RNF112: variants seen among roughly 807,000 people sequenced by gnomAD.
RNF112 encodes brain finger protein.
Under a neutral mutation model 64.7 loss-of-function variants are expected in RNF112, and 34 were observed. The observed-to-expected ratio is 0.53, with a 90% confidence interval of 0.40 to 0.70. The LOEUF (loss-of-function observed/expected upper bound fraction) is 0.70, where lower values mean the gene tolerates loss of function less well. Among genes scored for constraint, RNF112 ranks in the 30% least tolerant of loss-of-function variants. The probability of loss-of-function intolerance (pLI) is 0.00; values close to 1 mark genes in which losing one functional copy is unlikely to be tolerated. For synonymous variants in RNF112, 345 were observed against 344.5 expected, an observed-to-expected ratio of 1.00 and a Z score of -0.02; for missense variants, 734 against 850.0, an observed-to-expected ratio of 0.86 and a Z score of 1.70.
At position 19,414,168 on chromosome 17, in the gene RNF112, G is replaced by A. The variant is rs532619661; in HGVS notation, c.876+23G>A. 6.8e-5 allele frequency: 108 copies of A among 1,596,458 alleles called. No individual in the cohort carries two copies. The East Asian group carries it at 2.1e-3, about 31-fold the overall frequency. On this transcript the variant is annotated intron_variant, in intron 7 of 13. Transcript: ENST00000461366. ...GAGGTAAAGAGACCTCTGATGTTGG[G>A]GCATCCCCCACCCCCACCCTCCCCA... is the stretch of plus-strand genomic sequence containing the variant.
chr17:19,413,399 A>G lies in RNF112; in HGVS notation c.708A>G (p.Lys236=), dbSNP rs763391566. 2 of 1,611,702 alleles carry G rather than the reference A, an allele frequency of 1.2e-6. No homozygotes were observed. Among genetic ancestry groups the G allele is most frequent in the African/African-American group, 1.3e-5 (1 of 74,850 alleles). ...GGAGCCACCCCTTCTTGCTGGGGAAAGAAGGGAAGAAGGTGAGGGGGGAAG... is the reference window on the plus strand; with the variant it reads ...GGAGCCACCCCTTCTTGCTGGGGAAGGAAGGGAAGAAGGTGAGGGGGGAAG... ...WMWSHPFLLG[K]EGKKVAVFLV... Residue 236 remains lysine (K), a synonymous_variant, in exon 5 of 14, where the codon AAA becomes AAG. Coordinates refer to ENST00000461366, the MANE Select transcript of RNF112 (RefSeq NM_007148.5). The surrounding 1 kb of genome is among the most constrained non-coding windows in gnomAD (Gnocchi z 5.9).
Position 19,412,452 on chromosome 17 carries a change from C to T in RNF112, c.96-46C>T. On this transcript the variant is annotated intron_variant, in intron 2 of 13. Coordinates refer to ENST00000461366, the MANE Select transcript of RNF112 (RefSeq NM_007148.5). This position sits in a 1 kb window ranked among gnomAD's most constrained non-coding sequence, Gnocchi z 5.1. ...CCACAACCCTGGCCGGTACCCCCTG[C>T]CCCCAATAGACATCCTGCTTTTCAA... The T allele has an allele frequency of 6.3e-7, 1 of 1,585,896 alleles. No homozygotes were observed. Among genetic ancestry groups the T allele is most frequent in the South Asian group, 1.1e-5 (1 of 87,070 alleles).
rs1345838196 is a variant in RNF112, at chr17:19,411,451, C to T, written c.43C>T (p.Leu15Phe). ...GTCAGTCACTTCCTTTTGTCATCGG[C>T]TTGGCAAACGGGCAAGTCTTCAGTC... Reference protein sequence around the residue: ...ALSVTSFCHRLGKRERKQSFM... With the variant: ...ALSVTSFCHRFGKRERKQSFM... The change falls in exon 1 of 14, where the codon CTT (leucine) becomes TTT (phenylalanine). Residue 15 changes from leucine (L) to phenylalanine (F), a missense_variant. Leu to Phe is a conservative substitution (Grantham distance 22, BLOSUM62 0). Coordinates refer to ENST00000461366, the MANE Select transcript of RNF112 (RefSeq NM_007148.5). 7.3e-6 allele frequency: 11 copies of T among 1,501,510 alleles called. 1 individual carries two copies. The South Asian group carries it at 1.2e-4, about 17-fold the overall frequency. The allele number at this position is 1,501,510 out of a possible 1,614,324, so 93.0% of individuals were successfully genotyped here.
chr17:19,412,188 G>A lies in RNF112; in HGVS notation c.96-310G>A, dbSNP rs1913684834. On this transcript the variant is annotated intron_variant, in intron 2 of 13. Transcript: ENST00000461366. This position sits in a 1 kb window ranked among gnomAD's most constrained non-coding sequence, Gnocchi z 5.1. ...GAGGCCCAGAGAGGGGAAGGAACTTGCTTGCATTTGCATGGCTGGGATGTG... is the reference window on the plus strand; with the variant it reads ...GAGGCCCAGAGAGGGGAAGGAACTTACTTGCATTTGCATGGCTGGGATGTG... Among the ~76,000 whole-genome samples the A allele has an allele frequency of 6.6e-6, 1 of 152,190 alleles. No individual in the cohort carries two copies. Among genetic ancestry groups the A allele is most frequent in the South Asian group, 2.1e-4 (1 of 4,832 alleles).
intron 8 of RNF112, 40 bp downstream of exon 8, chr17:19,414,545 G>T: frequency 2.5e-6 from 4 of 1,613,800 alleles, no homozygotes; most frequent in Non-Finnish European, 3.4e-6. Context: ...CCCAGGCCCC[G>T]CCACCCCCAT....
In RNF112 at chr17:19,416,561, T is replaced by C. The variant is rs1322296849; in HGVS notation, c.*386T>C. ...ACCATCCTGGAAGTCTACCCCTAGG[T>C]GGTCGAGAGACCTGTTCTTTCACAG... On this transcript the variant is annotated 3_prime_UTR_variant, in exon 14 of 14. Coordinates refer to ENST00000461366, the MANE Select transcript of RNF112 (RefSeq NM_007148.5). 5.2e-6 allele frequency: 1 copy of C among 193,898 alleles called. No homozygotes were observed. Among genetic ancestry groups the C allele is most frequent in the African/African-American group, 2.4e-5 (1 of 42,328 alleles). The allele number at this position is 193,898 out of a possible 1,614,324, so 12.0% of individuals were successfully genotyped here. A position where few individuals can be genotyped will look rare whatever the true frequency, so the allele number is the denominator to read the frequency against.
rs1567936382 is a variant in RNF112 at position 19,414,617 on chromosome 17, A to T, written c.965A>T (p.His322Leu). 6.2e-7 allele frequency: 1 copy of T among 1,613,304 alleles called. No homozygotes were observed. The highest frequency in any genetic ancestry group is 1.1e-5 in the South Asian group (1 of 91,050). The change falls in exon 9 of 14, where the codon CAC (histidine) becomes CTC (leucine). Residue 322 changes from histidine to leucine, a missense_variant. Coordinates refer to ENST00000461366, the MANE Select transcript of RNF112 (RefSeq NM_007148.5). ...HLDLLVRDSS[H>L]PNKAGQGHVG... The stretch of plus-strand genomic sequence containing the variant: ...GACCTCTTAGTTCGTGACTCATCCC[A>T]CCCCAACAAGGCAGGGCAGGGGCAT...
Position 19,412,596 on chromosome 17 carries a change from G to A in RNF112, c.194G>A (p.Arg65His), listed in dbSNP as rs201611770. 571 of 1,613,302 alleles carry A rather than the reference G, an allele frequency of 3.5e-4. 1 individual carries two copies. The highest frequency in any genetic ancestry group is 3.6e-4 in the Non-Finnish European group (424 of 1,179,772). The change falls in exon 3 of 14, where the codon CGC becomes CAC. Residue 65 changes from arginine to histidine, a missense_variant. Coordinates refer to ENST00000461366, the MANE Select transcript of RNF112 (RefSeq NM_007148.5). The surrounding 1 kb of genome is among the most constrained non-coding windows in gnomAD (Gnocchi z 5.1). ...TGCTCCATCTGCCTGGAGAGGTTGC[G>A]CGACCCCATCTCGCTGGACTGTGGC... ...PTCSICLERL[R>H]DPISLDCGHD...
In RNF112 at chr17:19,411,271, G is replaced by A. The variant is rs987756136; in HGVS notation, c.-138G>A. ...GCTCTGACCGGGAGTCAGCTCCTCGGGGATACCATCCCCCGACCTCACCTT... is the reference window on the plus strand; with the variant it reads ...GCTCTGACCGGGAGTCAGCTCCTCGAGGATACCATCCCCCGACCTCACCTT... On this transcript the variant is annotated 5_prime_UTR_variant, in exon 1 of 14. Coordinates refer to ENST00000461366, the MANE Select transcript of RNF112 (RefSeq NM_007148.5). 4.2e-6 allele frequency: 3 copies of A among 719,968 alleles called. No homozygotes were observed. The African/African-American group carries it at 5.3e-5, about 13-fold the overall frequency. 44.6% of individuals were successfully genotyped at this position (719,968 alleles called of 1,614,324 possible).
chr17:19,412,663 G>T lies in RNF112; in HGVS notation c.261G>T (p.Pro87=). 6.2e-7 allele frequency: 1 copy of T among 1,613,290 alleles called. No homozygotes were observed. The highest frequency in any genetic ancestry group is 2.2e-5 in the East Asian group (1 of 44,814). Residue 87 remains proline, a synonymous_variant, in exon 3 of 14, where the codon CCG becomes CCT. Transcript: ENST00000461366. This position sits in a 1 kb window ranked among gnomAD's most constrained non-coding sequence, Gnocchi z 5.1. ...CIRCFSTHRL[P]GCEPPCCPEC... is the part of the protein sequence containing the mutation. The stretch of plus-strand genomic sequence containing the variant: ...GGTGCTTCAGCACACACCGTCTCCC[G>T]GGCTGTGAGCCGCCCTGCTGTCCTG...
chr17:19,414,233 T>A (rs1478552161), intron 7 of RNF112, 88 bp downstream of exon 7: 1 of 1,291,054 alleles, frequency 7.7e-7, no homozygotes, highest in Non-Finnish European at 1.1e-6. Flanking sequence ...CCTCCTGGTC[T>A]GGCCTAGGGT....
chr17:19,413,823 C>A lies in RNF112; in HGVS notation c.825+142C>A. On this transcript the variant is annotated intron_variant, in intron 6 of 13. Coordinates refer to ENST00000461366, the MANE Select transcript of RNF112 (RefSeq NM_007148.5). The surrounding 1 kb of genome is among the most constrained non-coding windows in gnomAD (Gnocchi z 5.9). The stretch of plus-strand genomic sequence containing the variant: ...GCTGCCTTAGAAGGGGGAAGGTGCT[C>A]CTAGTTGGTGAAGGTGGGAACGTGG... 1 of 688,390 alleles carries A rather than the reference C, an allele frequency of 1.5e-6. No individual in the cohort carries two copies. The highest frequency in any genetic ancestry group is 2.4e-6 in the Non-Finnish European group (1 of 414,294). The allele number at this position is 688,390 out of a possible 1,614,324, so 42.6% of individuals were successfully genotyped here.
rs961333738 is a variant in RNF112 at position 19,413,136 on chromosome 17, C to T, written c.580C>T (p.Pro194Ser). 6 of 1,612,398 alleles carry T rather than the reference C, an allele frequency of 3.7e-6. No individual in the cohort carries two copies. The Admixed American group carries it at 5.0e-5, about 13-fold the overall frequency. ...FLLNHLLQGL[P>S]GLESGEGGRP... ...CCTCAACCATTTGCTTCAGGGCTTG[C>T]CGGGCCTGGTGAGGGCGGGGCGGGG... The change falls in exon 4 of 14, where the codon CCG becomes TCG. Residue 194 changes from proline to serine, a missense_variant. Physicochemically the swap from Pro to Ser is moderately conservative, Grantham distance 74 (BLOSUM62 -1). Transcript: ENST00000461366. This position sits in a 1 kb window ranked among gnomAD's most constrained non-coding sequence, Gnocchi z 5.9.
chr17:19,413,341 G>T lies in RNF112; in HGVS notation c.650G>T (p.Gly217Val). 6.2e-7 allele frequency: 1 copy of T among 1,613,370 alleles called. No individual in the cohort carries two copies. Among genetic ancestry groups the T allele is most frequent in the Non-Finnish European group, 8.5e-7 (1 of 1,179,632 alleles). The part of the protein sequence containing the change: ...GEASLQGCRW[G>V]ANGLARGIWM... ...GCATCCCTGCAGGGCTGCAGGTGGG[G>T]CGCCAATGGCCTCGCCAGGGGCATA... Residue 217 changes from glycine (G) to valine (V), a missense_variant, in exon 5 of 14, where the codon GGC (glycine) becomes GTC (valine). Coordinates refer to ENST00000461366, the MANE Select transcript of RNF112 (RefSeq NM_007148.5). The surrounding 1 kb of genome is among the most constrained non-coding windows in gnomAD (Gnocchi z 5.9).
chr17:19,412,943 G>C lies in RNF112; in HGVS notation c.387G>C (p.Thr129=). ...CCTCTCTTCTCCTGGCCCAGGAGAC[G>C]TGTCCTGTGAGGGCGGAGCCGCTGC... ...QRPLPPALQE[T]CPVRAEPLLL... The change falls in exon 4 of 14, where the codon ACG becomes ACC. Residue 129 remains threonine, a synonymous_variant. Coordinates refer to ENST00000461366, the MANE Select transcript of RNF112 (RefSeq NM_007148.5). The surrounding 1 kb of genome is among the most constrained non-coding windows in gnomAD (Gnocchi z 5.1). 3 of 1,589,574 alleles carry C rather than the reference G, an allele frequency of 1.9e-6. No homozygotes were observed. The highest frequency in any genetic ancestry group is 1.7e-6 in the Non-Finnish European group (2 of 1,167,948).
chr17:19,412,914 G>A lies in RNF112; in HGVS notation c.382-24G>A. 3.2e-6 allele frequency: 5 copies of A among 1,566,702 alleles called. No individual in the cohort carries two copies. The highest frequency in any genetic ancestry group is 4.3e-6 in the Non-Finnish European group (5 of 1,157,042). ...CAGGAGCTGGTCCTGGATGCTCAGG[G>A]GCCCCTCTCTTCTCCTGGCCCAGGA... On this transcript the variant is annotated intron_variant, in intron 3 of 13. Coordinates refer to ENST00000461366, the MANE Select transcript of RNF112 (RefSeq NM_007148.5). This position sits in a 1 kb window ranked among gnomAD's most constrained non-coding sequence, Gnocchi z 5.1.
chr17:19,414,991 C>T, intron 10 of RNF112, 47 bp from the exon 11 acceptor site: 1 of 1,582,398 alleles, frequency 6.3e-7, no homozygotes, highest in Non-Finnish European at 8.6e-7. Flanking sequence ...GACACCCCTT[C>T]TCCTCCCAAA....
Position 19,415,152 on chromosome 17 carries a change from T to C in RNF112, c.1241T>C (p.Val414Ala). The change falls in exon 11 of 14, where the codon GTG (valine) becomes GCG (alanine). Residue 414 changes from valine (V) to alanine (A), a missense_variant. Physicochemically the swap from Val to Ala is moderately conservative, Grantham distance 64. Transcript: ENST00000461366. The surrounding 1 kb of genome is among the most constrained non-coding windows in gnomAD (Gnocchi z 7.8). ...GGGTACTGGAACGAGGGGCGCGCCG[T>C]GGCCAGGGGGGACAGACGCCTACTC... ...CQGYWNEGRAVARGDRRLLTG... is the reference protein window; with the variant it reads ...CQGYWNEGRAAARGDRRLLTG... The C allele has an allele frequency of 8.1e-6, 13 of 1,609,400 alleles. No individual in the cohort carries two copies. Among genetic ancestry groups the C allele is most frequent in the Non-Finnish European group, 1.1e-5 (13 of 1,178,936 alleles).
rs768826364 is a variant in RNF112, at chr17:19,412,653, A to G, written c.251A>G (p.His84Arg). ...TTCTGCATACGGTGCTTCAGCACAC[A>G]CCGTCTCCCGGGCTGTGAGCCGCCC... ...HDFCIRCFST[H>R]RLPGCEPPCC... The change falls in exon 3 of 14, where the codon CAC becomes CGC. Residue 84 changes from histidine to arginine, a missense_variant. Coordinates refer to ENST00000461366, the MANE Select transcript of RNF112 (RefSeq NM_007148.5). This position sits in a 1 kb window ranked among gnomAD's most constrained non-coding sequence, Gnocchi z 5.1. 1 of 1,613,430 alleles carries G rather than the reference A, an allele frequency of 6.2e-7. No homozygotes were observed. Among genetic ancestry groups the G allele is most frequent in the Non-Finnish European group, 8.5e-7 (1 of 1,179,744 alleles).
Sources: allele counts gnomAD v4.1 joint callset (sites outside exome capture counted in the v4.1 genomes callset), GRCh38; gene constraint gnomAD v4.1.1; non-coding constraint Gnocchi (gnomAD v3.1); transcripts MANE v1.5; gene names NCBI Gene and HGNC (gene_info 2026-07-23, HGNC 2026-07-21).